Variants in ITPK1 observed in about 807,000 individuals in gnomAD.
ITPK1 encodes the protein inositol 1,3,4-trisphosphate 5/6-kinase.
ITPK1 carries 21 observed loss-of-function variants against 45.3 expected under a neutral mutation model. That is an observed-to-expected ratio of 0.46 (90% CI 0.33 to 0.67). The LOEUF is 0.67. Ranked by LOEUF, ITPK1 falls within the 30% of genes least tolerant of loss-of-function variation. The pLI is 0.02. For synonymous variants in ITPK1, 258 were observed against 253.6 expected (o/e 1.02, Z -0.16); for missense variants, 474 against 573.5 (o/e 0.83, Z 1.77).
At position 92,938,696 on chromosome 14, in the gene ITPK1, T is replaced by C; in HGVS notation, c.*2865A>G. The C allele has an allele frequency of 1.6e-6, 1 of 634,670 alleles. No individual in the cohort carries two copies. The highest frequency in any genetic ancestry group is 1.8e-5 in the South Asian group (1 of 54,118). The allele number at this position is 634,670 out of a possible 1,614,324, so 39.3% of individuals were successfully genotyped here. On this transcript the variant is annotated 3_prime_UTR_variant, in exon 11 of 11. Transcript: ENST00000267615. ...GCAGGCCCAGCCCACCCACCACGTG[T>C]GGACCCAGACACCTCCATGACACCA...
At chr14:93,018,205 AC>A (rs1888287598) in intron 3 of ITPK1, among the ~76,000 whole-genome samples, 2 of 151,292 alleles carry the variant, frequency 1.3e-5, no homozygotes, top group African/African-American at 4.9e-5. Context: ...TCACGCCCCC[AC>A]CCCCTGCCAT....
intron 3 of ITPK1, among the ~76,000 whole-genome samples, chr14:93,037,389 A>T (rs972134085): frequency 2.0e-5 from 3 of 152,170 alleles, no homozygotes; most frequent in African/African-American, 7.2e-5. Flanking sequence ...ATTTGGTAAG[A>T]GTTATTAAAG....
chr14:92,988,297 T>C (rs1331988106), intron 5 of ITPK1, among the ~76,000 whole-genome samples: 6 of 152,166 alleles, frequency 3.9e-5, no homozygotes, highest in African/African-American at 1.4e-4. Context: ...GGGGTCGCTC[T>C]GCCCGATCTG....
At chr14:93,053,681 C>G (rs965880935) in intron 3 of ITPK1, among the ~76,000 whole-genome samples, 3 of 152,172 alleles carry the variant, frequency 2.0e-5, no homozygotes, top group African/African-American at 7.2e-5. Flanking sequence ...CTGATTGTAG[C>G]AAATGTTCCA....
At chr14:93,110,101 AG>A (rs1385528220) in intron 2 of ITPK1, among the ~76,000 whole-genome samples, 5 of 152,236 alleles carry the variant, frequency 3.3e-5, no homozygotes, top group East Asian at 1.9e-4. Flanking sequence ...GAATGTGTCG[AG>A]GGTCATGGGG....
At chr14:93,073,258 G>T (rs1891094599) in intron 3 of ITPK1, among the ~76,000 whole-genome samples, 1 of 152,244 alleles carries the variant, frequency 6.6e-6, no homozygotes, top group Non-Finnish European at 1.5e-5. Flanking sequence ...CCTGACCCCA[G>T]GCGGCCCTGC....
intron 3 of ITPK1, among the ~76,000 whole-genome samples, chr14:93,059,319 C>G (rs1165264725): frequency 5.1e-5 from 1 of 19,578 alleles, no homozygotes; most frequent in Non-Finnish European, 8.7e-5. Context: ...GGAGGGGGTG[C>G]GGGTCCTAAG....
At chr14:92,961,683 C>T (rs111286319) in intron 7 of ITPK1, among the ~76,000 whole-genome samples, 7 of 152,206 alleles carry the variant, frequency 4.6e-5, no homozygotes, top group Non-Finnish European at 8.8e-5. Context: ...CCCTGCAGGG[C>T]GGGCCGGACT....
At chr14:93,054,589 G>C (rs1890146708) in intron 3 of ITPK1, among the ~76,000 whole-genome samples, 1 of 152,204 alleles carries the variant, frequency 6.6e-6, no homozygotes, top group African/African-American at 2.4e-5. Context: ...TGATTACAGA[G>C]AGGCTCCAGT....
At position 93,076,501 on chromosome 14, in the gene ITPK1, C is replaced by T. The variant is rs113537320; in HGVS notation, c.120+94G>A. The T allele has an allele frequency of 8.3e-4, 1,144 of 1,382,552 alleles. 9 individuals are homozygous for T. In the African/African-American group the frequency reaches 0.013, roughly 16 times the overall value. 85.6% of individuals were successfully genotyped at this position (1,382,552 alleles called of 1,614,324 possible). A position where few individuals can be genotyped will look rare whatever the true frequency, so the allele number is the denominator to read the frequency against. ...GCTGCACGTGAAGAAGAGAGAAAGC[C>T]GTGCCCAATGCTGGAGGAGAGAAGG... On this transcript the variant is annotated intron_variant, in intron 3 of 10. Coordinates refer to ENST00000267615, the MANE Select transcript of ITPK1 (RefSeq NM_014216.6). This position sits in a 1 kb window ranked among gnomAD's most constrained non-coding sequence, Gnocchi z 4.3.
intron 2 of ITPK1, among the ~76,000 whole-genome samples, chr14:93,097,988 C>A (rs112569726): frequency 1.3e-5 from 2 of 152,034 alleles, no homozygotes; most frequent in Admixed American, 6.5e-5. Context: ...CCAGCCTGGG[C>A]GACAAGAGCA....
chr14:92,973,081 C>T (rs181867368), intron 5 of ITPK1, among the ~76,000 whole-genome samples: 1 of 152,322 alleles, frequency 6.6e-6, no homozygotes, highest in East Asian at 1.9e-4. Flanking sequence ...GCTGCTGCCT[C>T]GAGTGGCATT....
rs377670201 is a variant in ITPK1 at position 93,016,650 on chromosome 14, C to T, written c.246+26G>A. 10 of 1,611,598 alleles carry T rather than the reference C, an allele frequency of 6.2e-6. No homozygotes were observed. In the South Asian group the frequency reaches 8.8e-5, roughly 14 times the overall value. On this transcript the variant is annotated intron_variant, in intron 4 of 10. Transcript: ENST00000267615. This position sits in a 1 kb window ranked among gnomAD's most constrained non-coding sequence, Gnocchi z 5.0. ...CCTCCTCCTCCTGAAAATGCCACAG[C>T]CAAGGGCTGCATGGTCCTCACTCAC...
At chr14:93,020,152 A>C (rs1362050809) in intron 3 of ITPK1, among the ~76,000 whole-genome samples, 4 of 152,206 alleles carry the variant, frequency 2.6e-5, no homozygotes, top group Non-Finnish European at 4.4e-5. Context: ...TCAGGGACGA[A>C]GGCAGAGACT....
chr14:93,112,584 C>T lies in ITPK1; in HGVS notation c.95+2485G>A, dbSNP rs538481392. On this transcript the variant is annotated intron_variant, in intron 2 of 10. Transcript: ENST00000267615. ...CCTCCTGAGTAGCTGGGACTACAGGCGCCTGCCATCATGCCCGGCTAATTT... is the reference window on the plus strand; with the variant it reads ...CCTCCTGAGTAGCTGGGACTACAGGTGCCTGCCATCATGCCCGGCTAATTT... Among the ~76,000 whole-genome samples the T allele has an allele frequency of 9.9e-4, 150 of 152,000 alleles. 1 individual carries two copies. Among genetic ancestry groups the T allele is most frequent in the African/African-American group, 2.8e-3 (117 of 41,458 alleles).
At chr14:93,112,682 C>T (rs1012138383) in intron 2 of ITPK1, among the ~76,000 whole-genome samples, 3 of 152,074 alleles carry the variant, frequency 2.0e-5, no homozygotes, top group African/African-American at 4.8e-5. Flanking sequence ...TCGTGACCCA[C>T]CCACCTTGGA....
At chr14:92,950,605 C>T (rs367545038) in intron 9 of ITPK1, among the ~76,000 whole-genome samples, 4 of 152,204 alleles carry the variant, frequency 2.6e-5, no homozygotes, top group African/African-American at 9.7e-5. Context: ...CTGAGGTCAA[C>T]AAGTGATAAT....
chr14:92,976,521 A>G (rs1885950388), intron 5 of ITPK1, among the ~76,000 whole-genome samples: 1 of 152,208 alleles, frequency 6.6e-6, no homozygotes, highest in Non-Finnish European at 1.5e-5. Flanking sequence ...AAGAAACACC[A>G]TTATCATTTT....
chr14:93,057,395 C>T (rs1480821233), intron 3 of ITPK1, among the ~76,000 whole-genome samples: 1 of 152,226 alleles, frequency 6.6e-6, no homozygotes, highest in African/African-American at 2.4e-5. Flanking sequence ...CACATGCACA[C>T]TCACTCACAC....
Sources: gnomAD v4.1 joint callset for allele counts (sites outside exome capture counted in the v4.1 genomes callset) on GRCh38, gnomAD v4.1.1 for gene constraint, Gnocchi (gnomAD v3.1) non-coding constraint, MANE v1.5 for transcripts, NCBI Gene and HGNC (gene_info 2026-07-23, HGNC 2026-07-21) for gene names.